The following MINDY4 variants were observed in gnomAD, a reference collection of about 807,000 sequenced individuals.
MINDY4 encodes the protein probable ubiquitin carboxyl-terminal hydrolase MINDY-4.
Under a neutral mutation model 87.0 loss-of-function variants are expected in MINDY4, and 68 were observed. The ratio of observed to expected loss-of-function variants is 0.78; its 90% CI spans 0.64 to 0.96. The LOEUF is 0.96. Among genes scored for constraint, MINDY4 ranks in the 40% least tolerant of loss-of-function variants. MINDY4 has a pLI of 0.00. For missense variants in MINDY4, 919 were observed against 928.2 expected (o/e 0.99, Z 0.13); for synonymous variants, 379 against 363.2 (o/e 1.04, Z -0.50).
At chr7:30,788,287 G>A (rs1458820405) in intron 4 of MINDY4, among the ~76,000 whole-genome samples, 2 of 152,166 alleles carry the variant, frequency 1.3e-5, no homozygotes, top group Non-Finnish European at 2.9e-5. Context: ...GTTTCTTAAT[G>A]TGAAATCTTA....
chr7:30,805,353 G>A (rs1448508662), intron 5 of MINDY4, among the ~76,000 whole-genome samples: 1 of 152,164 alleles, frequency 6.6e-6, no homozygotes, highest in Non-Finnish European at 1.5e-5. Context: ...AAGATGAGTT[G>A]TTTCTGGATA....
intron 7 of MINDY4, among the ~76,000 whole-genome samples, chr7:30,837,323 C>T (rs10229462): frequency 0.018 from 2,717 of 152,196 alleles, 65 homozygotes; most frequent in African/African-American, 0.057. Context: ...TCACCACTCC[C>T]GTGACCAGAG....
At chr7:30,776,562 G>T (rs1786823214) in intron 1 of MINDY4, among the ~76,000 whole-genome samples, 1 of 152,182 alleles carries the variant, frequency 6.6e-6, no homozygotes, top group Non-Finnish European at 1.5e-5. Flanking sequence ...CCTGAGGACT[G>T]GGACTTTCAT....
At chr7:30,829,451 C>G (rs1016769305) in intron 6 of MINDY4, among the ~76,000 whole-genome samples, 16 of 152,198 alleles carry the variant, frequency 1.1e-4, no homozygotes, top group African/African-American at 3.9e-4. Flanking sequence ...AACAGTTTAC[C>G]TGTTGCACCA....
At chr7:30,821,154 G>A (rs945838704) in intron 5 of MINDY4, among the ~76,000 whole-genome samples, 4 of 151,986 alleles carry the variant, frequency 2.6e-5, no homozygotes, top group Admixed American at 6.5e-5. Flanking sequence ...TGGTGTTTTA[G>A]TTTCACTTTG....
At chr7:30,787,774 C>T (rs547063459) in intron 4 of MINDY4, among the ~76,000 whole-genome samples, 2 of 152,212 alleles carry the variant, frequency 1.3e-5, no homozygotes, top group African/African-American at 2.4e-5. Flanking sequence ...GGAAGGAGCC[C>T]TGCCTGGGTG....
At chr7:30,801,134 G>C (rs1052675956) in intron 5 of MINDY4, among the ~76,000 whole-genome samples, 1 of 152,176 alleles carries the variant, frequency 6.6e-6, no homozygotes, top group Non-Finnish European at 1.5e-5. Context: ...GGAATGAATT[G>C]TGCCAGCCGG....
intron 5 of MINDY4, among the ~76,000 whole-genome samples, chr7:30,816,732 T>A (rs1788162515): frequency 1.3e-5 from 2 of 152,112 alleles, no homozygotes; most frequent in South Asian, 4.1e-4. Flanking sequence ...AGGGAGTCAC[T>A]GGTTTCAGGA....
chr7:30,848,910 A>G (rs1057223714), intron 9 of MINDY4, among the ~76,000 whole-genome samples: 1 of 152,200 alleles, frequency 6.6e-6, no homozygotes, highest in Non-Finnish European at 1.5e-5. Flanking sequence ...TTTCATAAAG[A>G]CAATAGTCAT....
intron 13 of MINDY4, among the ~76,000 whole-genome samples, chr7:30,860,147 G>A (rs1246668096): frequency 6.6e-6 from 1 of 152,150 alleles, no homozygotes; most frequent in Non-Finnish European, 1.5e-5. Flanking sequence ...TAGGACTTGG[G>A]AACAGCTCTC....
rs184161675 is a variant in MINDY4 at position 30,872,317 on chromosome 7, G to T, written c.1809+11G>T. On this transcript the variant is annotated intron_variant, in intron 14 of 17. Coordinates refer to ENST00000265299, the MANE Select transcript of MINDY4 (RefSeq NM_032222.3). ...GGCTACTGTACACAGGTCAGGGGGC[G>T]CTGTGGGGCCCAGGTGGTCCTTCCC... 9.3e-6 allele frequency: 15 copies of T among 1,613,252 alleles called. No homozygotes were observed. In the Admixed American group the frequency reaches 2.3e-4, roughly 25 times the overall value.
intron 5 of MINDY4, among the ~76,000 whole-genome samples, chr7:30,807,471 G>A (rs1256423418): frequency 6.6e-6 from 1 of 151,766 alleles, no homozygotes; most frequent in Non-Finnish European, 1.5e-5. Context: ...ATTAAAAGAA[G>A]AAAAGAGAAG....
intron 5 of MINDY4, among the ~76,000 whole-genome samples, chr7:30,809,741 CA>C (rs1364034701): frequency 7.1e-6 from 1 of 141,658 alleles, no homozygotes; most frequent in Non-Finnish European, 1.5e-5. Flanking sequence ...AGTCCACAGA[CA>C]TAAAGGAAGT....
At chr7:30,838,679 G>A (rs1312014459) in intron 7 of MINDY4, among the ~76,000 whole-genome samples, 1 of 152,170 alleles carries the variant, frequency 6.6e-6, no homozygotes, top group Non-Finnish European at 1.5e-5. Flanking sequence ...TAGAGCACTG[G>A]CTCTCAAACC....
intron 15 of MINDY4, among the ~76,000 whole-genome samples, chr7:30,878,074 A>G (rs957042293): frequency 3.1e-4 from 47 of 151,810 alleles, no homozygotes; most frequent in Non-Finnish European, 5.5e-4. Context: ...AAGGAGTCCA[A>G]GGGGGTCCAG....
At chr7:30,838,666 C>T (rs367622721) in intron 7 of MINDY4, among the ~76,000 whole-genome samples, 1 of 152,138 alleles carries the variant, frequency 6.6e-6, no homozygotes, top group African/African-American at 2.4e-5. Flanking sequence ...AGTAACCCTG[C>T]ACTAGAGCAC....
intron 8 of MINDY4, 100 bp from the exon 9 acceptor site, chr7:30,840,660 C>G (rs1789001968): frequency 7.5e-6 from 7 of 927,792 alleles, no homozygotes; most frequent in Non-Finnish European, 8.4e-6. Flanking sequence ...AGGCAGGGCC[C>G]CTTTACTCTA....
At chr7:30,779,969 C>T (rs756703789) in intron 2 of MINDY4, 19 of 152,192 alleles carry the variant, frequency 1.2e-4, no homozygotes, top group Non-Finnish European at 2.4e-4. Context: ...GATGGAATTT[C>T]AGGCAAACAT....
rs1224793522 is a variant in MINDY4, at chr7:30,835,658, A to G, written c.1133-1000A>G. Among the ~76,000 whole-genome samples the G allele has an allele frequency of 7.9e-5, 12 of 152,116 alleles. 1 individual carries two copies. Among genetic ancestry groups the G allele is most frequent in the Admixed American group, 6.5e-4 (10 of 15,278 alleles). ...TAAGATATAAGCTGTGTGTCCTGGG[A>G]ATGGTGGCCTTTGATACCACCCCCG... On this transcript the variant is annotated intron_variant, in intron 6 of 17. Coordinates refer to ENST00000265299, the MANE Select transcript of MINDY4 (RefSeq NM_032222.3).
Sources: allele counts gnomAD v4.1 joint callset (sites outside exome capture counted in the v4.1 genomes callset), GRCh38; gene constraint gnomAD v4.1.1; transcripts MANE v1.5; gene names NCBI Gene and HGNC (gene_info 2026-07-23, HGNC 2026-07-21).